Variants in RAB34 observed in about 807,000 individuals in gnomAD.
RAB34 encodes the protein ras-related protein Rab-34.
In RAB34, 33 loss-of-function variants were observed where a neutral mutation model predicts 39.0. That is an observed-to-expected ratio of 0.85 (90% CI 0.64 to 1.13). RAB34 has a LOEUF of 1.13. Ranked by LOEUF, RAB34 falls within the 50% of genes most tolerant of loss-of-function variation. The pLI, the probability that RAB34 is intolerant of heterozygous loss-of-function variation, is 0.00. For missense variants in RAB34, 289 were observed against 326.1 expected (o/e 0.89, Z 0.88); for synonymous variants, 135 against 125.1 (o/e 1.08, Z -0.53).
At chr17:28,716,361 T>G in intron 2 of RAB34, 1 of 395,824 alleles carries the variant, frequency 2.5e-6, no homozygotes, top group Non-Finnish European at 4.6e-6. Flanking sequence ...GTATATATTT[T>G]ACTGGGTCGT....
chr17:28,717,784 C>G lies in RAB34; in HGVS notation c.-518G>C, dbSNP rs1163682407. Reference sequence around the variant, plus strand: ...GGGCAGGGGCGGCGCTGCCAAGGCCCGCAGGCCGCTGGAGGAGGGGGCGAG... The same window carrying G: ...GGGCAGGGGCGGCGCTGCCAAGGCCGGCAGGCCGCTGGAGGAGGGGGCGAG... On this transcript the variant is annotated 5_prime_UTR_variant, in exon 1 of 10. Coordinates refer to ENST00000395245, the MANE Select transcript of RAB34 (RefSeq NM_031934.6). 45 of 1,323,930 alleles carry G rather than the reference C, an allele frequency of 3.4e-5. No homozygotes were observed. Among genetic ancestry groups the G allele is most frequent in the Non-Finnish European group, 4.2e-5 (44 of 1,042,906 alleles). The allele number at this position is 1,323,930 out of a possible 1,614,324, so 82.0% of individuals were successfully genotyped here.
chr17:28,715,074 G>A lies in RAB34; in HGVS notation c.562C>T (p.Gln188Ter). 6.2e-7 allele frequency: 1 copy of A among 1,614,084 alleles called. No homozygotes were observed. Among genetic ancestry groups the A allele is most frequent in the Non-Finnish European group, 8.5e-7 (1 of 1,180,024 alleles). The change falls in exon 8 of 10, where the codon CAG becomes TAG. Residue 188 changes from glutamine to a stop codon, truncating the protein, a stop_gained. Coordinates refer to ENST00000395245, the MANE Select transcript of RAB34 (RefSeq NM_031934.6). LOFTEE classifies it high-confidence loss of function. ...LMEKDALQVA[Q>*]EMKAEYWAVS... ...GCCCAGTACTCAGCCTTCATCTCCT[G>A]GGCCACCTGGAGGGCGTCTTTCTCC...
chr17:28,716,869 C>T (rs1567736004), intron 2 of RAB34, 34 bp downstream of exon 2: 4 of 1,597,100 alleles, frequency 2.5e-6, no homozygotes, highest in African/African-American at 1.3e-5. Context: ...TTTCCTGGGA[C>T]CTCCTCTCTT....
At position 28,714,678 on chromosome 17, in the gene RAB34, T is replaced by A. The variant is rs1339404958; in HGVS notation, c.745A>T (p.Thr249Ser). Reference protein sequence around the residue: ...INSDDSNLYLTASKKKPTCCP With the variant: ...INSDDSNLYLSASKKKPTCCP ...CATGTGGGCTTCTTCTTGCTGGCAG[T>A]TAGGTAGAGGTTGCTGTCATCACTG... The change falls in exon 10 of 10, where the codon ACT (threonine) becomes TCT (serine). Residue 249 changes from threonine to serine, a missense_variant. Thr to Ser is a moderately conservative substitution (Grantham distance 58). Coordinates refer to ENST00000395245, the MANE Select transcript of RAB34 (RefSeq NM_031934.6). 13 of 1,613,948 alleles carry A rather than the reference T, an allele frequency of 8.1e-6. No homozygotes were observed. The highest frequency in any genetic ancestry group is 1.0e-5 in the Non-Finnish European group (12 of 1,180,006).
intron 6 of RAB34, 64 bp from the exon 7 acceptor site, chr17:28,715,340 T>C: frequency 3.8e-6 from 6 of 1,581,832 alleles, no homozygotes; most frequent in Non-Finnish European, 3.5e-6. Context: ...CTGACATTCA[T>C]AGGCCCAATT....
At chr17:28,716,786 T>C (rs1162775426) in intron 2 of RAB34, 117 bp downstream of exon 2, 9 of 1,206,130 alleles carry the variant, frequency 7.5e-6, no homozygotes, top group Non-Finnish European at 9.0e-6. Context: ...GAGGGGGAAA[T>C]AACCATATAG....
At chr17:28,718,109 TGGGGACCC>T, upstream of RAB34, 1 of 1,607,082 alleles carries the variant, frequency 6.2e-7, no homozygotes, top group Non-Finnish European at 8.5e-7. Flanking sequence ...TGCGCCTTCA[TGGGGACCC>T]TTACCCAGCC....
chr17:28,716,277 A>G (rs2033416368), intron 2 of RAB34: 1 of 603,422 alleles, frequency 1.7e-6, no homozygotes, highest in East Asian at 2.8e-5. Context: ...CAGCTCTCAC[A>G]CTGATTAGCT....
At chr17:28,717,908 C>T, upstream of RAB34, 7 of 1,356,064 alleles carry the variant, frequency 5.2e-6, no homozygotes, top group East Asian at 6.2e-5. Flanking sequence ...GGCCGCCCCC[C>T]GCCCCTCTCC....
At chr17:28,718,395 G>T (rs768444531), upstream of RAB34, 10 of 737,668 alleles carry the variant, frequency 1.4e-5, no homozygotes, top group Admixed American at 3.3e-5. Context: ...CTGAAGTCTG[G>T]CGTCTTTTCC....
chr17:28,717,936 G>T (rs1277852804), upstream of RAB34: 1 of 1,319,124 alleles, frequency 7.6e-7, no homozygotes. Context: ...TCCAGGCCTC[G>T]CTGCCCGCCC....
rs2033739135 is a variant in RAB34, at chr17:28,717,576, G to A, written c.-310C>T. On this transcript the variant is annotated 5_prime_UTR_variant, in exon 1 of 10. Coordinates refer to ENST00000395245, the MANE Select transcript of RAB34 (RefSeq NM_031934.6). ...GGGCGGGGAGTCCCGTCTGGTGGGG[G>A]CCGGGCCCGCGCAGACCCTACGATT... The A allele has an allele frequency of 1.4e-6, 2 of 1,418,682 alleles. No individual in the cohort carries two copies. Among genetic ancestry groups the A allele is most frequent in the African/African-American group, 1.5e-5 (1 of 67,560 alleles). The allele number at this position is 1,418,682 out of a possible 1,614,324, so 87.9% of individuals were successfully genotyped here.
Position 28,716,069 on chromosome 17 carries a change from CAA to C in RAB34, c.147-13_147-12del, listed in dbSNP as rs2033373389. 8 of 1,613,626 alleles carry C rather than the reference CAA, an allele frequency of 5.0e-6. No individual in the cohort carries two copies. The highest frequency in any genetic ancestry group is 1.3e-5 in the African/African-American group (1 of 74,886). On this transcript the variant is annotated splice_polypyrimidine_tract_variant and intron_variant, in intron 2 of 9. Coordinates refer to ENST00000395245, the MANE Select transcript of RAB34 (RefSeq NM_031934.6). ...TTGGAGATCTTAAATCTGCTGGACA[CAA>C]GAGTGGGCAAGGGGAGTGGGCACGA...
Position 28,714,595 on chromosome 17 carries a change from G to A in RAB34, c.*48C>T, listed in dbSNP as rs550799258. 1 of 1,613,808 alleles carries A rather than the reference G, an allele frequency of 6.2e-7. No individual in the cohort carries two copies. The highest frequency in any genetic ancestry group is 1.1e-5 in the South Asian group (1 of 91,068). ...GGTCAAGCTCTGGAGGAATGAGGGT[G>A]GCACAGTGCCCTAGGGCTGGGCAGT... On this transcript the variant is annotated 3_prime_UTR_variant, in exon 10 of 10. Coordinates refer to ENST00000395245, the MANE Select transcript of RAB34 (RefSeq NM_031934.6).
chr17:28,717,848 C>T lies in RAB34; in HGVS notation c.-582G>A. 7.4e-7 allele frequency: 1 copy of T among 1,348,090 alleles called. No homozygotes were observed. The highest frequency in any genetic ancestry group is 3.8e-5 in the Admixed American group (1 of 26,652). The allele number at this position is 1,348,090 out of a possible 1,614,324, so 83.5% of individuals were successfully genotyped here. On this transcript the variant is annotated 5_prime_UTR_variant, in exon 1 of 10. Coordinates refer to ENST00000395245, the MANE Select transcript of RAB34 (RefSeq NM_031934.6). Reference sequence around the variant, plus strand: ...CTACAGGGCCTCGAGTCCCACTCCGCTCGGGCTCCGCCAACGCTGTAACAC... The same window carrying T: ...CTACAGGGCCTCGAGTCCCACTCCGTTCGGGCTCCGCCAACGCTGTAACAC...
Position 28,717,389 on chromosome 17 carries a change from C to G in RAB34, c.-123G>C. 1 of 1,524,272 alleles carries G rather than the reference C, an allele frequency of 6.6e-7. No individual in the cohort carries two copies. The highest frequency in any genetic ancestry group is 8.8e-7 in the Non-Finnish European group (1 of 1,138,724). The allele number at this position is 1,524,272 out of a possible 1,614,324, so 94.4% of individuals were successfully genotyped here. ...GGGTGTCCCGACTACAACTCGGGGC[C>G]ACGGGGACCCTACGGGAGTCCGCGG... On this transcript the variant is annotated 5_prime_UTR_variant, in exon 1 of 10. Transcript: ENST00000395245.
In RAB34 at chr17:28,717,847, G is replaced by C; in HGVS notation, c.-581C>G. On this transcript the variant is annotated 5_prime_UTR_variant, in exon 1 of 10. Transcript: ENST00000395245. ...GCTACAGGGCCTCGAGTCCCACTCC[G>C]CTCGGGCTCCGCCAACGCTGTAACA... 4.5e-6 allele frequency: 6 copies of C among 1,346,246 alleles called. No homozygotes were observed. The highest frequency in any genetic ancestry group is 1.5e-5 in the African/African-American group (1 of 65,074). 83.4% of individuals were successfully genotyped at this position (1,346,246 alleles called of 1,614,324 possible). A position where few individuals can be genotyped will look rare whatever the true frequency, so the allele number is the denominator to read the frequency against.
At chr17:28,716,534 T>C (rs2033466315) in intron 2 of RAB34, 1 of 254,104 alleles carries the variant, frequency 3.9e-6, no homozygotes, top group Non-Finnish European at 7.6e-6. Flanking sequence ...TAATTAATGG[T>C]GCCAACTGTT....
In RAB34 at chr17:28,717,537, C is replaced by T; in HGVS notation, c.-271G>A. ...ATGACTCTGGGGCGAGGAGACTCTT[C>T]GGCCGCCAATTGGGGGCGGGGAGTC... On this transcript the variant is annotated 5_prime_UTR_variant, in exon 1 of 10. Transcript: ENST00000395245. 7.0e-7 allele frequency: 1 copy of T among 1,419,036 alleles called. No homozygotes were observed. The highest frequency in any genetic ancestry group is 9.2e-7 in the Non-Finnish European group (1 of 1,090,018). The allele number at this position is 1,419,036 out of a possible 1,614,324, so 87.9% of individuals were successfully genotyped here. A position where few individuals can be genotyped will look rare whatever the true frequency, so the allele number is the denominator to read the frequency against.
Sources: gnomAD v4.1 joint callset for allele counts on GRCh38, gnomAD v4.1.1 for gene constraint, MANE v1.5 for transcripts, NCBI Gene and HGNC (gene_info 2026-07-23, HGNC 2026-07-21) for gene names.